Variants in TDP1 observed in about 807,000 individuals in gnomAD.
TDP1 encodes tyr-DNA phosphodiesterase 1.
A neutral mutation model predicts 81.5 loss-of-function variants in TDP1; 64 were observed. That is an observed-to-expected ratio of 0.79 (90% CI 0.64 to 0.97). TDP1 has a LOEUF of 0.97. Ranked by LOEUF, TDP1 falls within the 50% of genes least tolerant of loss-of-function variation. The pLI is 0.00. For missense variants in TDP1, 723 were observed against 743.8 expected (o/e 0.97, Z 0.33); for synonymous variants, 256 against 264.3 (o/e 0.97, Z 0.30).
chr14:89,978,270 TC>T (rs1894580075), intron 7 of TDP1, among the ~76,000 whole-genome samples: 1 of 152,240 alleles, frequency 6.6e-6, no homozygotes, highest in African/African-American at 2.4e-5. Flanking sequence ...AACAAGCTCT[TC>T]CGCTGGCCCA....
chr14:89,957,459 C>T lies in TDP1; in HGVS notation c.-8+659C>T, dbSNP rs185114821. ...ACCTGCCCAAGTGCACATTTACTCC[C>T]TAGTCATGGCCGGGTTTGAGACAAG... is the stretch of plus-strand genomic sequence containing the variant. On this transcript the variant is annotated intron_variant, in intron 2 of 16. Transcript: ENST00000335725. 9.2e-5 allele frequency among the ~76,000 whole-genome samples: 14 copies of T among 152,286 alleles called. No individual in the cohort carries two copies. The East Asian group carries it at 2.7e-3, about 29-fold the overall frequency.
At chr14:89,985,232 T>G (rs747303766) in intron 10 of TDP1, 22 bp downstream of exon 10, 64 of 1,434,256 alleles carry the variant, frequency 4.5e-5, no homozygotes, top group Non-Finnish European at 5.9e-5. Context: ...TTTACTATTT[T>G]AACATTTTTA....
intron 10 of TDP1, among the ~76,000 whole-genome samples, chr14:89,987,554 TC>T (rs1895705577): frequency 6.6e-6 from 1 of 152,202 alleles, no homozygotes; most frequent in African/African-American, 2.4e-5. Flanking sequence ...GGTGGATACT[TC>T]CTTACTTTCT....
chr14:89,970,062 G>C (rs1265290074), intron 5 of TDP1, among the ~76,000 whole-genome samples: 1 of 151,444 alleles, frequency 6.6e-6, no homozygotes, highest in African/African-American at 2.4e-5. Flanking sequence ...ATTTTTAGTA[G>C]AGACGGGGTT....
intron 12 of TDP1, among the ~76,000 whole-genome samples, chr14:89,990,387 A>G (rs936058248): frequency 6.6e-6 from 1 of 152,034 alleles, no homozygotes; most frequent in Non-Finnish European, 1.5e-5. Flanking sequence ...GAAAACCCAC[A>G]TAGTGGTTGT....
chr14:90,018,902 A>G, intron 14 of TDP1: 1 of 930,216 alleles, frequency 1.1e-6, no homozygotes, highest in Non-Finnish European at 1.3e-6. Context: ...AAACTGAAAA[A>G]GGAAATATGA....
chr14:89,989,588 A>G, intron 11 of TDP1, 129 bp from the exon 12 acceptor site: 1 of 1,117,076 alleles, frequency 9.0e-7, no homozygotes, highest in African/African-American at 1.6e-5. Context: ...GAGAACTTTT[A>G]AAAATTTAAA....
At chr14:90,002,369 T>C (rs1897259769) in intron 14 of TDP1, among the ~76,000 whole-genome samples, 3 of 152,212 alleles carry the variant, frequency 2.0e-5, no homozygotes, top group African/African-American at 7.2e-5. Flanking sequence ...TACCCTTGGC[T>C]TTTATCTCAT....
intron 14 of TDP1, among the ~76,000 whole-genome samples, chr14:90,001,849 A>ATTTAT (rs899144179): frequency 6.6e-6 from 1 of 150,880 alleles, no homozygotes; most frequent in African/African-American, 2.4e-5. Context: ...AGTTTATTTT[A>ATTTAT]TTTATTTTTT....
At chr14:89,987,342 A>T (rs973901753) in intron 10 of TDP1, among the ~76,000 whole-genome samples, 3 of 152,166 alleles carry the variant, frequency 2.0e-5, no homozygotes, top group Admixed American at 6.5e-5. Context: ...CTTCCTGGAG[A>T]TGTATAAAGA....
intron 8 of TDP1, 35 bp from the exon 9 acceptor site, chr14:89,984,481 T>A: frequency 6.2e-7 from 1 of 1,613,586 alleles, no homozygotes; most frequent in Non-Finnish European, 8.5e-7. Flanking sequence ...ATCAGTTGTG[T>A]GCCTGACTGT....
Position 89,963,648 on chromosome 14 carries a change from T to C in TDP1, c.534T>C (p.Tyr178=), listed in dbSNP as rs773803089. 7 of 1,613,946 alleles carry C rather than the reference T, an allele frequency of 4.3e-6. No homozygotes were observed. Among genetic ancestry groups the C allele is most frequent in the Non-Finnish European group, 5.9e-6 (7 of 1,179,958 alleles). Residue 178 remains tyrosine (Y), a synonymous_variant, in exon 3 of 17, where the codon TAT becomes TAC. Transcript: ENST00000335725. ...LTRVSGVKPK[Y]NSGALHIKDI... is the part of the protein sequence containing the mutation. ...GAGTCTCTGGAGTTAAGCCAAAGTATAACTCTGGAGCCCTCCACATCAAGG... is the reference window on the plus strand; with the variant it reads ...GAGTCTCTGGAGTTAAGCCAAAGTACAACTCTGGAGCCCTCCACATCAAGG...
chr14:89,996,179 A>G (rs1242318171), intron 14 of TDP1, among the ~76,000 whole-genome samples: 2 of 152,192 alleles, frequency 1.3e-5, no homozygotes, highest in Non-Finnish European at 1.5e-5. Flanking sequence ...CTGGTTGCCC[A>G]TGCCCCTTCA....
intron 15 of TDP1, chr14:90,022,704 A>G: frequency 1.0e-6 from 1 of 979,778 alleles, no homozygotes; most frequent in Non-Finnish European, 1.2e-6. Context: ...TGCTTATATC[A>G]CAACATCTAT....
At chr14:89,959,026 TACA>T (rs1204015077) in intron 2 of TDP1, among the ~76,000 whole-genome samples, 3 of 152,242 alleles carry the variant, frequency 2.0e-5, no homozygotes, top group Admixed American at 2.0e-4. Context: ...AAAGCATTTC[TACA>T]ACACTACAAC....
In TDP1 at chr14:90,008,430, A is replaced by G. The variant is rs546890192; in HGVS notation, c.1542-10886A>G. Among the ~76,000 whole-genome samples, 166 of 152,232 alleles carry G rather than the reference A, an allele frequency of 1.1e-3. 1 individual carries two copies. Among genetic ancestry groups the G allele is most frequent in the African/African-American group, 3.7e-3 (154 of 41,544 alleles). ...GACCTTCTTGGATACCATATGTTTCATGGTTTAGAGTTCAGCCCAGAGTCA... is the reference window on the plus strand; with the variant it reads ...GACCTTCTTGGATACCATATGTTTCGTGGTTTAGAGTTCAGCCCAGAGTCA... On this transcript the variant is annotated intron_variant, in intron 14 of 16. Transcript: ENST00000335725.
intron 15 of TDP1, 150 bp downstream of exon 15, chr14:90,019,568 T>C (rs552574527): frequency 4.4e-6 from 3 of 681,344 alleles, no homozygotes; most frequent in South Asian, 3.1e-5. Flanking sequence ...CGCTGGTCTG[T>C]ACCTCTGAGC....
chr14:90,032,206 C>T (rs1887356927), intron 15 of TDP1, among the ~76,000 whole-genome samples: 1 of 152,136 alleles, frequency 6.6e-6, no homozygotes, highest in Admixed American at 6.5e-5. Context: ...CCAGTCAACA[C>T]GGACCTCCCC....
At chr14:89,958,715 G>A (rs910313459) in intron 2 of TDP1, among the ~76,000 whole-genome samples, 54 of 152,196 alleles carry the variant, frequency 3.5e-4, no homozygotes, top group African/African-American at 1.2e-3. Flanking sequence ...CCGGTCCGTG[G>A]ATTTACCCAA....
Sources: gnomAD v4.1 joint callset for allele counts (sites outside exome capture counted in the v4.1 genomes callset) on GRCh38, gnomAD v4.1.1 for gene constraint, MANE v1.5 for transcripts, NCBI Gene and HGNC (gene_info 2026-07-23, HGNC 2026-07-21) for gene names.